Variants in SPATS1 observed in about 807,000 individuals in gnomAD.
SPATS1 encodes spermatogenesis associated serine rich 1.
In SPATS1, 23 loss-of-function variants were observed where a neutral mutation model predicts 33.6. The observed-to-expected ratio is 0.68, with a 90% CI of 0.49 to 0.97. SPATS1 has a LOEUF of 0.97. SPATS1 is among the 50% of genes least tolerant of loss of function. SPATS1 has a pLI of 0.00. For missense variants in SPATS1, 327 were observed against 361.0 expected, an observed-to-expected ratio of 0.91 and a Z score of 0.76; for synonymous variants, 131 against 125.6, an observed-to-expected ratio of 1.04 and a Z score of -0.29.
chr6:44,345,341 A>G (rs993591196), intron 2 of SPATS1, among the ~76,000 whole-genome samples: 2 of 152,238 alleles, frequency 1.3e-5, no homozygotes, highest in Middle Eastern at 3.4e-3. Flanking sequence ...AGCTTTCCCC[A>G]TTATAGTGGC....
chr6:44,355,100 A>G lies in SPATS1; in HGVS notation c.287+2227A>G, dbSNP rs1043592329. Among the ~76,000 whole-genome samples, 6 of 152,164 alleles carry G rather than the reference A, an allele frequency of 3.9e-5. 1 individual carries two copies. The highest frequency in any genetic ancestry group is 8.8e-5 in the Non-Finnish European group (6 of 68,034). ...CCTCACAAAGTGCTGGGCATGAGCC[A>G]CTGCTCCCAGCACATTATGGTTTCA... On this transcript the variant is annotated intron_variant, in intron 3 of 8. Coordinates refer to ENST00000674044, the MANE Select transcript of SPATS1 (RefSeq NM_001372081.1).
chr6:44,364,072 C>G (rs1364645373), intron 5 of SPATS1, among the ~76,000 whole-genome samples: 3 of 152,090 alleles, frequency 2.0e-5, no homozygotes, highest in African/African-American at 7.2e-5. Context: ...ATGATCAACA[C>G]CTGGCTAACT....
intron 7 of SPATS1, among the ~76,000 whole-genome samples, chr6:44,372,765 GTCT>G (rs1789704608): frequency 6.6e-6 from 1 of 152,122 alleles, no homozygotes; most frequent in Non-Finnish European, 1.5e-5. Context: ...AGGCCTTGTG[GTCT>G]TCTTTTAAAG....
chr6:44,348,794 T>C (rs778886919), intron 2 of SPATS1, among the ~76,000 whole-genome samples: 3 of 152,072 alleles, frequency 2.0e-5, no homozygotes, highest in Non-Finnish European at 4.4e-5. Flanking sequence ...CCAGCCTGGC[T>C]AAGAGACCAG....
At chr6:44,348,370 A>G (rs1355717458) in intron 2 of SPATS1, among the ~76,000 whole-genome samples, 1 of 152,078 alleles carries the variant, frequency 6.6e-6, no homozygotes, top group African/African-American at 2.4e-5. Flanking sequence ...GCATGAAGCC[A>G]TAGTTCTGAT....
rs1788947553 is a variant in SPATS1 at position 44,361,947 on chromosome 6, C to T, written c.529C>T (p.Leu177=). ...AGTCTTCCTCGGCAACAAGAGGTCT[C>T]TATCAGAGAGGACGGTGGACAAGTG... is the stretch of plus-strand genomic sequence containing the variant. ...NGVFLGNKRS[L]SERTVDKCFG... is the part of the protein sequence containing the mutation. The change falls in exon 5 of 9, where the codon CTA becomes TTA. Residue 177 remains leucine (L), a synonymous_variant. Coordinates refer to ENST00000674044, the MANE Select transcript of SPATS1 (RefSeq NM_001372081.1). 1.2e-6 allele frequency: 2 copies of T among 1,614,118 alleles called. No individual in the cohort carries two copies. Among genetic ancestry groups the T allele is most frequent in the African/African-American group, 2.7e-5 (2 of 74,930 alleles).
At chr6:44,376,095 G>A (rs1428059985) in intron 7 of SPATS1, among the ~76,000 whole-genome samples, 1 of 151,570 alleles carries the variant, frequency 6.6e-6, no homozygotes, top group Non-Finnish European at 1.5e-5. Context: ...GATGGAGTGA[G>A]ACTTTGTTTC....
chr6:44,374,236 T>C (rs543184143), intron 7 of SPATS1, among the ~76,000 whole-genome samples: 11 of 152,332 alleles, frequency 7.2e-5, no homozygotes, highest in Admixed American at 1.3e-4. Flanking sequence ...ATACAGAAGA[T>C]TGACTTTATT....
chr6:44,371,817 C>T (rs1042651473), intron 7 of SPATS1, among the ~76,000 whole-genome samples: 2 of 151,544 alleles, frequency 1.3e-5, no homozygotes, highest in African/African-American at 2.4e-5. Flanking sequence ...TGGTGGCAGG[C>T]GCCTGTGGTC....
At chr6:44,346,771 G>T (rs140757970) in intron 2 of SPATS1, among the ~76,000 whole-genome samples, 18 of 152,066 alleles carry the variant, frequency 1.2e-4, no homozygotes, top group African/African-American at 4.1e-4. Flanking sequence ...ATTTATAAAA[G>T]CTCAAGGAGT....
intron 5 of SPATS1, among the ~76,000 whole-genome samples, chr6:44,364,103 T>C (rs1008277917): frequency 3.3e-4 from 50 of 152,314 alleles, no homozygotes; most frequent in African/African-American, 1.2e-3. Flanking sequence ...TTACTCCTCC[T>C]CCCAGGGATT....
intron 1 of SPATS1, 75 bp downstream of exon 1, chr6:44,342,843 A>T: frequency 8.3e-7 from 1 of 1,206,540 alleles, no homozygotes; most frequent in Non-Finnish European, 1.1e-6. Flanking sequence ...GGTGGAAAAG[A>T]AGGAGCACCT....
Position 44,377,406 on chromosome 6 carries a change from A to G in SPATS1, c.*343A>G, listed in dbSNP as rs1790024763. The G allele has an allele frequency of 3.5e-6, 1 of 283,570 alleles. No individual in the cohort carries two copies. Among genetic ancestry groups the G allele is most frequent in the African/African-American group, 2.2e-5 (1 of 45,680 alleles). 17.6% of individuals were successfully genotyped at this position (283,570 alleles called of 1,614,324 possible). ...TTACACCTGTATACCTACATACCTC[A>G]GCATGTATCTTCTAAGGTCAAGGAT... On this transcript the variant is annotated 3_prime_UTR_variant, in exon 9 of 9. Transcript: ENST00000674044.
chr6:44,345,357 G>T (rs890682763), intron 2 of SPATS1, among the ~76,000 whole-genome samples: 1 of 152,072 alleles, frequency 6.6e-6, no homozygotes. Context: ...GTGGCCACAG[G>T]CCACTTTCTA....
intron 5 of SPATS1, among the ~76,000 whole-genome samples, chr6:44,367,123 T>C (rs1226772945): frequency 6.6e-6 from 1 of 152,218 alleles, no homozygotes; most frequent in Non-Finnish European, 1.5e-5. Flanking sequence ...AGTCTCATTC[T>C]ATTTCCCAGG....
chr6:44,357,913 T>G (rs1157963126), intron 3 of SPATS1, among the ~76,000 whole-genome samples: 6 of 152,166 alleles, frequency 3.9e-5, no homozygotes, highest in African/African-American at 1.4e-4. Flanking sequence ...TAAAAATTGG[T>G]TGGAAGACAT....
chr6:44,343,215 C>A lies in SPATS1; in HGVS notation c.120C>A (p.Thr40=), dbSNP rs752046258. The change falls in exon 2 of 9, where the codon ACC becomes ACA. Residue 40 remains threonine (T), a synonymous_variant. Transcript: ENST00000674044. Reference sequence around the variant, plus strand: ...CAGAAAAAAGGGACTCTGGCATGACCGAGGTGGAGAGGACCTACAGTTGAG... The same window carrying A: ...CAGAAAAAAGGGACTCTGGCATGACAGAGGTGGAGAGGACCTACAGTTGAG... The part of the protein sequence containing the change: ...KVPEKRDSGM[T]EVERTYSANC... 9.9e-6 allele frequency: 16 copies of A among 1,613,360 alleles called. No individual in the cohort carries two copies. In the East Asian group the frequency reaches 2.7e-4, roughly 27 times the overall value.
At position 44,343,223 on chromosome 6, in the gene SPATS1, A is replaced by G. The variant is rs1787669880; in HGVS notation, c.128A>G (p.Glu43Gly). 6.2e-7 allele frequency: 1 copy of G among 1,613,610 alleles called. No individual in the cohort carries two copies. The highest frequency in any genetic ancestry group is 1.1e-5 in the South Asian group (1 of 91,054). ...EKRDSGMTEV[E>G]RTYSANCSDF... ...AGGGACTCTGGCATGACCGAGGTGG[A>G]GAGGACCTACAGTTGAGTTCTAAGA... is the stretch of plus-strand genomic sequence containing the variant. The change falls in exon 2 of 9, where the codon GAG (glutamate) becomes GGG (glycine). Residue 43 changes from glutamate to glycine, a missense_variant. Physicochemically the swap from Glu to Gly is moderately conservative, Grantham distance 98. Coordinates refer to ENST00000674044, the MANE Select transcript of SPATS1 (RefSeq NM_001372081.1).
intron 6 of SPATS1, among the ~76,000 whole-genome samples, chr6:44,369,811 G>A (rs1052738128): frequency 9.2e-5 from 14 of 152,108 alleles, no homozygotes; most frequent in African/African-American, 2.7e-4. Flanking sequence ...GGTCGAGGCT[G>A]CAGTGAGCTG....
Sources: allele counts gnomAD v4.1 joint callset (sites outside exome capture counted in the v4.1 genomes callset), GRCh38; gene constraint gnomAD v4.1.1; transcripts MANE v1.5; gene names NCBI Gene and HGNC (gene_info 2026-07-23, HGNC 2026-07-21).